NKAIN3: variants seen among roughly 807,000 people sequenced by gnomAD.
NKAIN3 encodes sodium/potassium-transporting ATPase subunit beta-1-interacting protein 3.
Under a neutral mutation model 30.2 loss-of-function variants are expected in NKAIN3, and 25 were observed. The ratio of observed to expected loss-of-function variants is 0.83; its 90% CI spans 0.60 to 1.16. The LOEUF is 1.16. Ranked by LOEUF, NKAIN3 falls within the 50% of genes most tolerant of loss-of-function variation. The pLI is 0.00. For missense variants in NKAIN3, 225 were observed against 254.1 expected (o/e 0.89, Z 0.78); for synonymous variants, 91 against 89.6 (o/e 1.02, Z -0.09).
chr8:62,683,096 C>T (rs1364665717), intron 3 of NKAIN3, among the ~76,000 whole-genome samples: 4 of 152,036 alleles, frequency 2.6e-5, no homozygotes, highest in East Asian at 1.9e-4. Context: ...TGCAGTGGAA[C>T]GATCTCTGCT....
chr8:62,805,315 T>G (rs1157963631), intron 4 of NKAIN3, among the ~76,000 whole-genome samples: 1 of 151,732 alleles, frequency 6.6e-6, no homozygotes, highest in East Asian at 1.9e-4. Context: ...AAAGTTCATA[T>G]GGAACCAAAA....
intron 3 of NKAIN3, among the ~76,000 whole-genome samples, chr8:62,741,049 C>A (rs145863624): frequency 6.7e-6 from 1 of 149,580 alleles, no homozygotes; most frequent in African/African-American, 2.4e-5. Context: ...AACACCAAAT[C>A]TTCTCCTCTT....
At chr8:62,811,481 C>T (rs1334044721) in intron 4 of NKAIN3, among the ~76,000 whole-genome samples, 1 of 151,980 alleles carries the variant, frequency 6.6e-6, no homozygotes, top group Non-Finnish European at 1.5e-5. Context: ...TTGTACATTC[C>T]CACCAGCAAT....
chr8:62,869,961 G>A (rs887100846), intron 4 of NKAIN3, among the ~76,000 whole-genome samples: 20 of 151,636 alleles, frequency 1.3e-4, no homozygotes, highest in Admixed American at 4.6e-4. Flanking sequence ...TAGTAGAGAC[G>A]GGGTTTCGCC....
chr8:62,801,523 C>T (rs1818062629), intron 4 of NKAIN3, among the ~76,000 whole-genome samples: 1 of 152,190 alleles, frequency 6.6e-6, no homozygotes, highest in Admixed American at 6.5e-5. Flanking sequence ...TGGAGTGGAC[C>T]TCTAGCAAAC....
intron 1 of NKAIN3, among the ~76,000 whole-genome samples, chr8:62,415,176 ATT>A (rs1477637261): frequency 2.1e-5 from 3 of 142,070 alleles, no homozygotes; most frequent in Non-Finnish European, 3.0e-5. Flanking sequence ...TATAATATAT[ATT>A]ATATTACAAT....
chr8:62,959,117 G>C (rs1335961972), intron 6 of NKAIN3, among the ~76,000 whole-genome samples: 1 of 152,172 alleles, frequency 6.6e-6, no homozygotes, highest in Non-Finnish European at 1.5e-5. Context: ...CTACATGCTA[G>C]GTGGCCACTG....
chr8:62,629,341 G>A (rs956933904), intron 3 of NKAIN3, among the ~76,000 whole-genome samples: 1 of 151,918 alleles, frequency 6.6e-6, no homozygotes, highest in African/African-American at 2.4e-5. Context: ...CCGCTCTATG[G>A]CTCAGTTTCT....
At chr8:62,710,311 C>T (rs1814674000) in intron 3 of NKAIN3, among the ~76,000 whole-genome samples, 1 of 152,114 alleles carries the variant, frequency 6.6e-6, no homozygotes, top group African/African-American at 2.4e-5. Context: ...CTAGTGCTGT[C>T]ATGGAGTATG....
intron 1 of NKAIN3, among the ~76,000 whole-genome samples, chr8:62,452,128 T>C (rs1805660758): frequency 6.6e-6 from 1 of 152,188 alleles, no homozygotes; most frequent in African/African-American, 2.4e-5. Flanking sequence ...TTCATAACAA[T>C]ATGCTACTTC....
intron 3 of NKAIN3, among the ~76,000 whole-genome samples, chr8:62,741,380 AAG>A (rs1815872437): frequency 7.2e-6 from 1 of 139,210 alleles, no homozygotes; most frequent in African/African-American, 3.1e-5. Flanking sequence ...GGAAGGAAGG[AAG>A]GAAGGAAGGA....
intron 4 of NKAIN3, among the ~76,000 whole-genome samples, chr8:62,906,990 G>A (rs1290392764): frequency 1.3e-5 from 2 of 152,160 alleles, no homozygotes; most frequent in African/African-American, 4.8e-5. Context: ...AGACAGGAAG[G>A]TGTGAAAAAG....
chr8:62,831,017 A>G (rs1393907535), intron 4 of NKAIN3, among the ~76,000 whole-genome samples: 1 of 152,152 alleles, frequency 6.6e-6, no homozygotes, highest in Non-Finnish European at 1.5e-5. Context: ...GGCAGCAGAG[A>G]GAGTTTCTCT....
At chr8:62,270,689 T>C (rs1812751652) in intron 1 of NKAIN3, among the ~76,000 whole-genome samples, 1 of 152,190 alleles carries the variant, frequency 6.6e-6, no homozygotes. Flanking sequence ...ATTGGCTTTA[T>C]ACTCTTTGAC....
chr8:62,327,894 T>C (rs568312790), intron 1 of NKAIN3, among the ~76,000 whole-genome samples: 2 of 152,226 alleles, frequency 1.3e-5, no homozygotes, highest in East Asian at 3.9e-4. Flanking sequence ...TTTAATATTG[T>C]CTTCCAATTC....
In NKAIN3 at chr8:62,863,004, T is replaced by C. The variant is rs1306290718; in HGVS notation, c.472-55449T>C. The stretch of plus-strand genomic sequence containing the variant: ...GCATGTGTATGCATACATATGTTGG[T>C]ATGTAACCACACGTGTACATGCAAG... On this transcript the variant is annotated intron_variant, in intron 4 of 6. Transcript: ENST00000623646. 1.2e-5 allele frequency: 7 copies of C among 569,024 alleles called. 1 individual carries two copies. The highest frequency in any genetic ancestry group is 2.2e-5 in the Non-Finnish European group (7 of 315,824). The allele number at this position is 569,024 out of a possible 1,614,324, so 35.2% of individuals were successfully genotyped here. A position where few individuals can be genotyped will look rare whatever the true frequency, so the allele number is the denominator to read the frequency against.
intron 1 of NKAIN3, among the ~76,000 whole-genome samples, chr8:62,352,648 G>A (rs1338831730): frequency 6.6e-6 from 1 of 152,178 alleles, no homozygotes; most frequent in Non-Finnish European, 1.5e-5. Flanking sequence ...TGGAGAGTCA[G>A]ATAGAAAAGG....
At chr8:62,651,577 T>C (rs1812618651) in intron 3 of NKAIN3, among the ~76,000 whole-genome samples, 1 of 152,208 alleles carries the variant, frequency 6.6e-6, no homozygotes. Flanking sequence ...ACAGCACATT[T>C]GGTGTCTGGT....
At chr8:62,360,344 AAGGTGAAATCACTGTTT>A (rs1412366171) in intron 1 of NKAIN3, among the ~76,000 whole-genome samples, 1 of 152,224 alleles carries the variant, frequency 6.6e-6, no homozygotes, top group Admixed American at 6.5e-5. Flanking sequence ...AGGTTTGTTA[AAGGTGAAATCACTGTTT>A]CATAACAGCT....
Sources: gnomAD v4.1 joint callset for allele counts (sites outside exome capture counted in the v4.1 genomes callset) on GRCh38, gnomAD v4.1.1 for gene constraint, MANE v1.5 for transcripts, NCBI Gene and HGNC (gene_info 2026-07-23, HGNC 2026-07-21) for gene names.